POLR3E: variants seen among roughly 807,000 people sequenced by gnomAD.
POLR3E encodes the protein RNA polymerase III subunit E, also known as DNA-directed RNA polymerase III subunit RPC5.
Under a neutral mutation model 96.6 loss-of-function variants are expected in POLR3E, and 41 were observed. The observed-to-expected ratio is 0.42, with a 90% CI of 0.33 to 0.55. The LOEUF (loss-of-function observed/expected upper bound fraction) is 0.55, where lower values mean the gene tolerates loss of function less well. Among genes scored for constraint, POLR3E ranks in the 20% least tolerant of loss-of-function variants. The pLI is 0.06. For missense variants in POLR3E, 849 were observed against 952.1 expected (o/e 0.89, Z 1.43); for synonymous variants, 396 against 383.6 (o/e 1.03, Z -0.38).
Position 22,326,203 on chromosome 16 carries a change from ACT to A in POLR3E, c.1794_1795del (p.Phe599GlnfsTer34). 6.2e-7 allele frequency: 1 copy of A among 1,611,630 alleles called. No homozygotes were observed. On this transcript the variant is annotated frameshift_variant, in exon 18 of 21. Transcript: ENST00000299853. LOFTEE classifies it high-confidence loss of function. The stretch of plus-strand genomic sequence containing the variant: ...TGGCCAGCCTGCCCCCCGGCCACAC[ACT>A]CTTCAGCGGCATCTCGGACCGCATG... ...HLASLPPGHT[L>X]FSGISDRMLQ...
chr16:22,331,893 C>G, intron 19 of POLR3E, 167 bp from the exon 20 acceptor site: 1 of 625,130 alleles, frequency 1.6e-6, no homozygotes, highest in African/African-American at 1.8e-5. Flanking sequence ...CACTGTCTTG[C>G]TGGGTCTCTA....
chr16:22,309,602 C>A, intron 6 of POLR3E, 92 bp downstream of exon 6: 1 of 918,024 alleles, frequency 1.1e-6, no homozygotes, highest in Non-Finnish European at 1.8e-6. Flanking sequence ...CCATCTCCCA[C>A]CTGCCCTGAA....
Position 22,312,968 on chromosome 16 carries a change from T to C in POLR3E, c.365-652T>C, listed in dbSNP as rs2048279560. On this transcript the variant is annotated intron_variant, in intron 6 of 20. Transcript: ENST00000299853. The stretch of plus-strand genomic sequence containing the variant: ...TAATCTGAACACTTAGGAAACAAAA[T>C]GGGATAGGATCAAAAGTAGTGTCAT... Among the ~76,000 whole-genome samples, 3 of 147,662 alleles carry C rather than the reference T, an allele frequency of 2.0e-5. 1 individual carries two copies. Among genetic ancestry groups the C allele is most frequent in the East Asian group, 4.0e-4 (2 of 5,014 alleles).
intron 4 of POLR3E, 160 bp downstream of exon 4, chr16:22,308,385 A>G: frequency 1.6e-6 from 1 of 641,342 alleles, no homozygotes; most frequent in Non-Finnish European, 2.8e-6. Context: ...CCAGAAAGAC[A>G]GGGATGGGCA....
At chr16:22,324,762 C>T (rs2048543842) in intron 16 of POLR3E, 102 bp downstream of exon 16, 2 of 1,307,200 alleles carry the variant, frequency 1.5e-6, no homozygotes, top group African/African-American at 1.4e-5. Flanking sequence ...AGAAACCCCA[C>T]ATCTGGGGAG....
At chr16:22,315,934 C>T (rs1383061156) in intron 9 of POLR3E, among the ~76,000 whole-genome samples, 1 of 152,148 alleles carries the variant, frequency 6.6e-6, no homozygotes, top group East Asian at 1.9e-4. Context: ...TCCCTAAGTG[C>T]TGGGATTACA....
intron 13 of POLR3E, among the ~76,000 whole-genome samples, chr16:22,321,687 C>T (rs1384945470): frequency 6.6e-6 from 1 of 152,250 alleles, no homozygotes; most frequent in East Asian, 1.9e-4. Context: ...CCTCATGGCT[C>T]AGCCCTGGGC....
Position 22,324,349 on chromosome 16 carries a change from C to G in POLR3E, c.1069-5C>G, listed in dbSNP as rs770076954. 6.2e-7 allele frequency: 1 copy of G among 1,612,368 alleles called. No homozygotes were observed. The highest frequency in any genetic ancestry group is 8.5e-7 in the Non-Finnish European group (1 of 1,179,418). ...CCCTGGAATGTGCTGCTTCTTCTCC[C>G]TCAGATGTGGAAGTTCACGCAGAGC... On this transcript the variant is annotated splice_region_variant and splice_polypyrimidine_tract_variant and intron_variant, in intron 14 of 20. Transcript: ENST00000299853.
chr16:22,301,615 G>A (rs777776104), intron 1 of POLR3E, among the ~76,000 whole-genome samples: 7 of 151,374 alleles, frequency 4.6e-5, no homozygotes, highest in Non-Finnish European at 1.0e-4. Flanking sequence ...CAAATGTTAA[G>A]TAGATCAGAC....
intron 1 of POLR3E, chr16:22,299,145 C>A (rs1390508473): frequency 2.3e-6 from 1 of 432,232 alleles, no homozygotes; most frequent in African/African-American, 2.1e-5. Flanking sequence ...GGGAACCTAT[C>A]CTCTCCTGCA....
rs1466400481 is a variant in POLR3E at position 22,334,811 on chromosome 16, A to T, written c.*1111A>T. 1 of 152,206 alleles carries T rather than the reference A, an allele frequency of 6.6e-6. No individual in the cohort carries two copies. Among genetic ancestry groups the T allele is most frequent in the Non-Finnish European group, 1.5e-5 (1 of 68,028 alleles). The allele number at this position is 152,206 out of a possible 1,614,324, so 9.4% of individuals were successfully genotyped here. A position where few individuals can be genotyped will look rare whatever the true frequency, so the allele number is the denominator to read the frequency against. On this transcript the variant is annotated 3_prime_UTR_variant, in exon 21 of 21. Transcript: ENST00000299853. ...CCTAGAAACTGATGGAAAAAATAAG[A>T]GTAAGCTAGGTTGGATGACATGTGA...
intron 13 of POLR3E, among the ~76,000 whole-genome samples, chr16:22,319,650 C>T (rs1263596258): frequency 4.6e-5 from 7 of 152,154 alleles, no homozygotes; most frequent in South Asian, 2.1e-4. Flanking sequence ...CTGCCCGCCT[C>T]GGCTTCCCAA....
chr16:22,325,691 C>T (rs2048566700), intron 17 of POLR3E, 70 bp from the exon 18 acceptor site: 5 of 1,479,580 alleles, frequency 3.4e-6, no homozygotes, highest in African/African-American at 2.8e-5. Flanking sequence ...TGCAGCCCCG[C>T]GGTCCCCTGC....
In POLR3E at chr16:22,313,357, G is replaced by A. The variant is rs1418639984; in HGVS notation, c.365-263G>A. Among the ~76,000 whole-genome samples, 1 of 152,182 alleles carries A rather than the reference G, an allele frequency of 6.6e-6. No individual in the cohort carries two copies. Among genetic ancestry groups the A allele is most frequent in the Non-Finnish European group, 1.5e-5 (1 of 68,032 alleles). ...AGAGGGGCGTGGAACCAGACTGGGA[G>A]GTGGGACTGAAGGAAGTGGCTTCGA... On this transcript the variant is annotated intron_variant, in intron 6 of 20. Coordinates refer to ENST00000299853, the MANE Select transcript of POLR3E (RefSeq NM_018119.4). The surrounding 1 kb of genome is among the most constrained non-coding windows in gnomAD (Gnocchi z 4.1).
Position 22,313,770 on chromosome 16 carries a change from C to G in POLR3E, c.472+43C>G. On this transcript the variant is annotated intron_variant, in intron 7 of 20. Transcript: ENST00000299853. The surrounding 1 kb of genome is among the most constrained non-coding windows in gnomAD (Gnocchi z 4.1). ...AGCCCTGCTGCCTGCCTGCCTTCATCCTGGTGGGATGGCTTGGTCCTGGGA... is the reference window on the plus strand; with the variant it reads ...AGCCCTGCTGCCTGCCTGCCTTCATGCTGGTGGGATGGCTTGGTCCTGGGA... 7.4e-7 allele frequency: 1 copy of G among 1,348,912 alleles called. No homozygotes were observed. The highest frequency in any genetic ancestry group is 1.1e-6 in the Non-Finnish European group (1 of 945,476). 83.6% of individuals were successfully genotyped at this position (1,348,912 alleles called of 1,614,324 possible). A position where few individuals can be genotyped will look rare whatever the true frequency, so the allele number is the denominator to read the frequency against.
chr16:22,300,257 G>A (rs1209581947), intron 1 of POLR3E, among the ~76,000 whole-genome samples: 1 of 152,220 alleles, frequency 6.6e-6, no homozygotes, highest in Non-Finnish European at 1.5e-5. Flanking sequence ...TTATGCAACT[G>A]TATGTATGTT....
At chr16:22,311,531 G>A (rs1299515217) in intron 6 of POLR3E, among the ~76,000 whole-genome samples, 1 of 151,190 alleles carries the variant, frequency 6.6e-6, no homozygotes, top group Non-Finnish European at 1.5e-5. Context: ...GTCTCACTCT[G>A]TCACCCAGGC....
Position 22,322,809 on chromosome 16 carries a change from C to G in POLR3E, c.987-41C>G, listed in dbSNP as rs765829658. 78 of 1,404,364 alleles carry G rather than the reference C, an allele frequency of 5.6e-5. 1 individual carries two copies. The highest frequency in any genetic ancestry group is 7.2e-5 in the Non-Finnish European group (71 of 992,348). The allele number at this position is 1,404,364 out of a possible 1,614,324, so 87.0% of individuals were successfully genotyped here. A position where few individuals can be genotyped will look rare whatever the true frequency, so the allele number is the denominator to read the frequency against. ...GGGAGGGGTAGCGGTAGAGGGGGCT[C>G]AGGGCAGGGACTGACCTGCCATCCT... On this transcript the variant is annotated intron_variant, in intron 13 of 20. Coordinates refer to ENST00000299853, the MANE Select transcript of POLR3E (RefSeq NM_018119.4). This position sits in a 1 kb window ranked among gnomAD's most constrained non-coding sequence, Gnocchi z 5.2.
At position 22,325,828 on chromosome 16, in the gene POLR3E, C is replaced by T. The variant is rs141466128; in HGVS notation, c.1416C>T (p.His472=). 23 of 1,610,978 alleles carry T rather than the reference C, an allele frequency of 1.4e-5. No homozygotes were observed. The highest frequency in any genetic ancestry group is 8.9e-5 in the East Asian group (4 of 44,848). ...QVAKTKAQQN[H]ALLERELQRR... is the part of the protein sequence containing the mutation. The stretch of plus-strand genomic sequence containing the variant: ...CCAAAACCAAGGCCCAGCAGAACCA[C>T]GCGTTGCTGGAGCGGGAGCTGCAGC... The change falls in exon 18 of 21, where the codon CAC becomes CAT. Residue 472 remains histidine (H), a synonymous_variant. Coordinates refer to ENST00000299853, the MANE Select transcript of POLR3E (RefSeq NM_018119.4).
Sources: gnomAD v4.1 joint callset for allele counts (sites outside exome capture counted in the v4.1 genomes callset) on GRCh38, gnomAD v4.1.1 for gene constraint, Gnocchi (gnomAD v3.1) non-coding constraint, MANE v1.5 for transcripts, NCBI Gene and HGNC (gene_info 2026-07-23, HGNC 2026-07-21) for gene names.